ZNF277: variants seen among roughly 807,000 people sequenced by gnomAD.
The protein encoded by ZNF277 is nuclear receptor-interacting factor 4.
ZNF277 carries 55 observed loss-of-function variants against 60.7 expected under a neutral mutation model. The observed-to-expected ratio is 0.91, with a 90% CI of 0.73 to 1.13. ZNF277 has a LOEUF of 1.13. Among genes scored for constraint, ZNF277 ranks in the 50% most tolerant of loss-of-function variants. The pLI, the probability that ZNF277 is intolerant of heterozygous loss-of-function variation, is 0.00. For missense variants in ZNF277, 510 were observed against 523.0 expected, an observed-to-expected ratio of 0.98 and a Z score of 0.24; for synonymous variants, 178 against 179.3, an observed-to-expected ratio of 0.99 and a Z score of 0.06.
chr7:112,211,558 G>A (rs940171513), intron 1 of ZNF277, among the ~76,000 whole-genome samples: 25 of 152,222 alleles, frequency 1.6e-4, no homozygotes, highest in African/African-American at 5.5e-4. Context: ...TAGCCTGAAC[G>A]ATTGCAAAAC....
At chr7:112,210,833 A>G (rs938371036) in intron 1 of ZNF277, among the ~76,000 whole-genome samples, 6 of 152,034 alleles carry the variant, frequency 3.9e-5, no homozygotes, top group Non-Finnish European at 7.4e-5. Flanking sequence ...CAGAATTTCA[A>G]TTTGTCTCCT....
At chr7:112,229,766 A>G (rs1307891713) in intron 1 of ZNF277, among the ~76,000 whole-genome samples, 1 of 152,222 alleles carries the variant, frequency 6.6e-6, no homozygotes, top group Non-Finnish European at 1.5e-5. Flanking sequence ...AAGTGCCGTG[A>G]AAGAGTCAAC....
intron 1 of ZNF277, among the ~76,000 whole-genome samples, chr7:112,275,499 T>C (rs1467454332): frequency 5.3e-5 from 8 of 152,178 alleles, no homozygotes; most frequent in Non-Finnish European, 2.9e-5. Context: ...AACAGTAGAG[T>C]TATAGAAAGT....
At chr7:112,222,530 C>T (rs919547817) in intron 1 of ZNF277, among the ~76,000 whole-genome samples, 2 of 152,064 alleles carry the variant, frequency 1.3e-5, no homozygotes, top group African/African-American at 4.8e-5. Flanking sequence ...GCTGTGATAT[C>T]TCCTTCATTT....
chr7:112,286,994 A>G lies in ZNF277; in HGVS notation c.213A>G (p.Glu71=), dbSNP rs1792084068. 1.9e-6 allele frequency: 3 copies of G among 1,614,094 alleles called. No homozygotes were observed. In the South Asian group the frequency reaches 3.3e-5, roughly 18 times the overall value. The stretch of plus-strand genomic sequence containing the variant: ...GTGAAGAACATTTTCCTGTGGCTGA[A>G]CAAGACAAACTTCTGAAGCACATGA... ...IFCEEHFPVA[E]QDKLLKHMII... The change falls in exon 2 of 12, where the codon GAA becomes GAG. Residue 71 remains glutamate, a synonymous_variant. Transcript: ENST00000361822.
chr7:112,308,339 ACC>A, intron 4 of ZNF277, among the ~76,000 whole-genome samples: 1 of 151,728 alleles, frequency 6.6e-6, no homozygotes, highest in Non-Finnish European at 1.5e-5. Flanking sequence ...ACATAGCGAA[ACC>A]CCTTCTCTAC....
At chr7:112,223,569 A>C (rs575345528) in intron 1 of ZNF277, among the ~76,000 whole-genome samples, 1 of 152,328 alleles carries the variant, frequency 6.6e-6, no homozygotes, top group Admixed American at 6.5e-5. Flanking sequence ...ATCACAGTTC[A>C]TGAGTCTGCC....
At chr7:112,275,906 G>GTT (rs1215233322) in intron 1 of ZNF277, among the ~76,000 whole-genome samples, 1 of 152,196 alleles carries the variant, frequency 6.6e-6, no homozygotes, top group African/African-American at 2.4e-5. Flanking sequence ...TCATTAGGTA[G>GTT]TTTGAAACTA....
chr7:112,271,685 G>C (rs1397840394), intron 1 of ZNF277, among the ~76,000 whole-genome samples: 1 of 152,154 alleles, frequency 6.6e-6, no homozygotes, highest in Non-Finnish European at 1.5e-5. Flanking sequence ...TGGAAATGGA[G>C]GACATGAATC....
At chr7:112,333,207 A>G (rs1188688997) in intron 7 of ZNF277, among the ~76,000 whole-genome samples, 2 of 152,202 alleles carry the variant, frequency 1.3e-5, no homozygotes, top group Admixed American at 6.5e-5. Flanking sequence ...AAAGGCTGAC[A>G]TGAGTGCATG....
intron 1 of ZNF277, among the ~76,000 whole-genome samples, chr7:112,247,470 G>A (rs1791110735): frequency 6.6e-6 from 1 of 152,164 alleles, no homozygotes; most frequent in African/African-American, 2.4e-5. Context: ...TTCAAGCTTA[G>A]AGTGTTGGAA....
At chr7:112,338,485 G>T (rs1045878717) in intron 9 of ZNF277, among the ~76,000 whole-genome samples, 1 of 152,076 alleles carries the variant, frequency 6.6e-6, no homozygotes, top group African/African-American at 2.4e-5. Flanking sequence ...GTGGGCAGAG[G>T]GGTGATTATA....
intron 1 of ZNF277, among the ~76,000 whole-genome samples, chr7:112,242,003 G>A (rs1360155570): frequency 6.6e-6 from 1 of 151,916 alleles, no homozygotes; most frequent in Non-Finnish European, 1.5e-5. Flanking sequence ...TAGTATAATT[G>A]GAATATTTGT....
intron 4 of ZNF277, among the ~76,000 whole-genome samples, chr7:112,296,926 T>TTTTTA (rs1792363971): frequency 3.6e-5 from 3 of 82,430 alleles, no homozygotes; most frequent in Admixed American, 1.2e-4. Flanking sequence ...TTTTTTTTTT[T>TTTTTA]TTTTTTTTTT....
chr7:112,239,937 A>T (rs1200914081), intron 1 of ZNF277, among the ~76,000 whole-genome samples: 1 of 152,224 alleles, frequency 6.6e-6, no homozygotes, highest in Non-Finnish European at 1.5e-5. Context: ...AAATGTTTAA[A>T]AATGGGAAGA....
At chr7:112,330,429 T>A (rs1793199774) in intron 7 of ZNF277, 2 of 575,924 alleles carry the variant, frequency 3.5e-6, no homozygotes, top group Non-Finnish European at 6.0e-6. Context: ...AGTAAAAATG[T>A]CATGTCTCTA....
At chr7:112,219,726 A>G (rs554021021) in intron 1 of ZNF277, among the ~76,000 whole-genome samples, 82 of 152,260 alleles carry the variant, frequency 5.4e-4, no homozygotes, top group African/African-American at 1.7e-3. Flanking sequence ...GCCTTGATCT[A>G]TTGGGCTCAA....
intron 4 of ZNF277, among the ~76,000 whole-genome samples, chr7:112,304,161 G>T (rs1451318983): frequency 2.6e-5 from 4 of 152,054 alleles, no homozygotes; most frequent in Admixed American, 1.3e-4. Flanking sequence ...TGCTGAGAAA[G>T]GTGGATTTTA....
At chr7:112,216,379 A>G (rs528343457) in intron 1 of ZNF277, among the ~76,000 whole-genome samples, 1 of 152,230 alleles carries the variant, frequency 6.6e-6, no homozygotes, top group East Asian at 1.9e-4. Flanking sequence ...GCATGATCTC[A>G]GCTCACTGCA....
Sources: gnomAD v4.1 joint callset for allele counts (sites outside exome capture counted in the v4.1 genomes callset) on GRCh38, gnomAD v4.1.1 for gene constraint, MANE v1.5 for transcripts, NCBI Gene and HGNC (gene_info 2026-07-23, HGNC 2026-07-21) for gene names.